HUS1: variants seen among roughly 807,000 people sequenced by gnomAD.
HUS1 encodes the protein checkpoint protein HUS1.
Under a neutral mutation model 32.6 loss-of-function variants are expected in HUS1, and 31 were observed. The observed-to-expected ratio is 0.95, with a 90% CI of 0.72 to 1.28. The LOEUF is 1.28. Ranked by LOEUF, HUS1 falls within the 50% of genes most tolerant of loss-of-function variation. HUS1 has a pLI of 0.00. For missense variants in HUS1, 340 were observed against 337.7 expected, an observed-to-expected ratio of 1.01 and a Z score of -0.05; for synonymous variants, 123 against 116.6, an observed-to-expected ratio of 1.06 and a Z score of -0.36.
chr7:47,963,451 A>G lies in HUS1; in HGVS notation c.*1905T>C, dbSNP rs1404230149. Reference sequence around the variant, plus strand: ...CTTTAACAGCAATTTCAGTTTTATAAAACTACTTTCAGATATTGTTTCATT... The same window carrying G: ...CTTTAACAGCAATTTCAGTTTTATAGAACTACTTTCAGATATTGTTTCATT... On this transcript the variant is annotated 3_prime_UTR_variant, in exon 8 of 8. Coordinates refer to ENST00000258774, the MANE Select transcript of HUS1 (RefSeq NM_004507.4). 6.6e-6 allele frequency: 1 copy of G among 152,340 alleles called. No individual in the cohort carries two copies. The highest frequency in any genetic ancestry group is 3.4e-3 in the Middle Eastern group (1 of 294). 9.4% of individuals were successfully genotyped at this position (152,340 alleles called of 1,614,324 possible). A position where few individuals can be genotyped will look rare whatever the true frequency, so the allele number is the denominator to read the frequency against.
chr7:47,968,556 T>C (rs1361530227), intron 6 of HUS1, among the ~76,000 whole-genome samples: 2 of 152,260 alleles, frequency 1.3e-5, no homozygotes, highest in Non-Finnish European at 2.9e-5. Flanking sequence ...GGCACACTTA[T>C]GTATCATAAA....
At chr7:47,970,434 T>C (rs1477222497) in intron 5 of HUS1, among the ~76,000 whole-genome samples, 6 of 149,754 alleles carry the variant, frequency 4.0e-5, no homozygotes, top group African/African-American at 1.5e-4. Flanking sequence ...CTAGAGCAAA[T>C]AGGCACCACA....
intron 7 of HUS1, among the ~76,000 whole-genome samples, chr7:47,967,186 A>G (rs1387815961): frequency 6.6e-6 from 1 of 152,186 alleles, no homozygotes. Context: ...CTGTGATTTC[A>G]GTAGTAAGGT....
intron 3 of HUS1, 50 bp downstream of exon 3, chr7:47,978,367 T>A: frequency 6.6e-7 from 1 of 1,518,720 alleles, no homozygotes; most frequent in Non-Finnish European, 9.1e-7. Flanking sequence ...CTATGTCTAT[T>A]CCTTCGAGGC....
intron 7 of HUS1, among the ~76,000 whole-genome samples, chr7:47,967,444 T>C (rs1262084216): frequency 1.3e-5 from 2 of 151,962 alleles, no homozygotes; most frequent in East Asian, 3.9e-4. Context: ...TCTGGCACTC[T>C]GAGCAGGTCA....
chr7:47,972,849 G>A (rs938485811), intron 5 of HUS1, among the ~76,000 whole-genome samples: 10 of 152,138 alleles, frequency 6.6e-5, no homozygotes, highest in Admixed American at 3.9e-4. Context: ...CTGCAGAGCC[G>A]TTTCTCAGAT....
chr7:47,974,345 A>C (rs1788654839), intron 5 of HUS1, among the ~76,000 whole-genome samples: 1 of 102,352 alleles, frequency 9.8e-6, no homozygotes, highest in Non-Finnish European at 1.9e-5. Context: ...TGTACACTGG[A>C]CAGCTCAGCT....
At chr7:47,974,114 A>C (rs1280269616) in intron 5 of HUS1, among the ~76,000 whole-genome samples, 1 of 152,232 alleles carries the variant, frequency 6.6e-6, no homozygotes. Context: ...CTAGAAAAAA[A>C]CAGTCAAATG....
chr7:47,976,235 C>T (rs1788701142), intron 4 of HUS1: 1 of 407,106 alleles, frequency 2.5e-6, no homozygotes, highest in Non-Finnish European at 4.9e-6. Context: ...TCTGTACTTT[C>T]TTCTTAAACA....
At position 47,965,230 on chromosome 7, in the gene HUS1, G is replaced by A; in HGVS notation, c.*126C>T. On this transcript the variant is annotated 3_prime_UTR_variant, in exon 8 of 8. Transcript: ENST00000258774. The stretch of plus-strand genomic sequence containing the variant: ...CAACTTTTAGTTAAAATGTTAGAGA[G>A]GGACAAATAAGTACAGTGTGTCGAT... 1.6e-6 allele frequency: 1 copy of A among 624,252 alleles called. No homozygotes were observed. Among genetic ancestry groups the A allele is most frequent in the South Asian group, 2.1e-5 (1 of 48,664 alleles). 38.7% of individuals were successfully genotyped at this position (624,252 alleles called of 1,614,324 possible).
chr7:47,965,433 C>G lies in HUS1; in HGVS notation c.766G>C (p.Val256Leu), dbSNP rs1196408323. 1 of 1,611,228 alleles carries G rather than the reference C, an allele frequency of 6.2e-7. No homozygotes were observed. The highest frequency in any genetic ancestry group is 8.5e-7 in the Non-Finnish European group (1 of 1,177,390). ...TCAAAATGCACCATCTTGTTATTCA[C>G]AATATCTGGGAAGAGAAAAGCCATG... The part of the protein sequence containing the change: ...VNPTKALCNI[V>L]NNKMVHFDLL... The change falls in exon 8 of 8, where the codon GTG becomes CTG. Residue 256 changes from valine (V) to leucine (L), a missense_variant. Transcript: ENST00000258774.
intron 4 of HUS1, among the ~76,000 whole-genome samples, 192 bp from the exon 5 acceptor site, chr7:47,975,879 G>C (rs1464769321): frequency 6.6e-6 from 1 of 152,152 alleles, no homozygotes; most frequent in Non-Finnish European, 1.5e-5. Flanking sequence ...ACTCAAGGAT[G>C]CTCAAGCAAA....
intron 1 of HUS1, 89 bp downstream of exon 1, chr7:47,979,378 TC>T: frequency 8.0e-7 from 1 of 1,256,124 alleles, no homozygotes; most frequent in Non-Finnish European, 1.0e-6. Context: ...CCGGCGCCCA[TC>T]CCCGTTCTGA....
rs1054656279 is a variant in HUS1, at chr7:47,965,213, A to G, written c.*143T>C. The G allele has an allele frequency of 1.4e-5, 8 of 563,768 alleles. No homozygotes were observed. In the African/African-American group the frequency reaches 1.5e-4, roughly 10 times the overall value. 34.9% of individuals were successfully genotyped at this position (563,768 alleles called of 1,614,324 possible). ...ACTGTGTGTTGTTGAATCAACTTTT[A>G]GTTAAAATGTTAGAGAGGGACAAAT... On this transcript the variant is annotated 3_prime_UTR_variant, in exon 8 of 8. Coordinates refer to ENST00000258774, the MANE Select transcript of HUS1 (RefSeq NM_004507.4).
intron 2 of HUS1, 32 bp from the exon 3 acceptor site, chr7:47,978,625 G>C (rs1280361987): frequency 2.5e-6 from 4 of 1,612,910 alleles, no homozygotes; most frequent in South Asian, 2.2e-5. Context: ...ATGAGGGAGG[G>C]TATATGTGAT....
chr7:47,978,357 CTA>C, intron 3 of HUS1, 58 bp downstream of exon 3: 1 of 1,430,022 alleles, frequency 7.0e-7, no homozygotes, highest in Non-Finnish European at 9.7e-7. Flanking sequence ...GCTAGGCTAA[CTA>C]TGTCTATTCC....
intron 7 of HUS1, among the ~76,000 whole-genome samples, chr7:47,966,468 C>A (rs563885677): frequency 6.6e-6 from 1 of 152,276 alleles, no homozygotes; most frequent in East Asian, 1.9e-4. Flanking sequence ...AGAAAGTCCC[C>A]AAAATACCAA....
rs528436783 is a variant in HUS1 at position 47,967,849 on chromosome 7, C to G, written c.717G>C (p.Gln239His). ...GATTTACTTGTTGTCCAGCAAGAAACTGTAGGAGCTTCCTAATATCTATGT... is the reference window on the plus strand; with the variant it reads ...GATTTACTTGTTGTCCAGCAAGAAAGTGTAGGAGCTTCCTAATATCTATGT... ...EVHIDIRKLLQFLAGQQVNPT... is the reference protein window; with the variant it reads ...EVHIDIRKLLHFLAGQQVNPT... The change falls in exon 7 of 8, where the codon CAG becomes CAC. Residue 239 changes from glutamine to histidine, a missense_variant. Physicochemically the swap from Gln to His is conservative, Grantham distance 24 (BLOSUM62 0). Transcript: ENST00000258774. 1 of 1,614,036 alleles carries G rather than the reference C, an allele frequency of 6.2e-7. No homozygotes were observed. Among genetic ancestry groups the G allele is most frequent in the African/African-American group, 1.3e-5 (1 of 75,050 alleles).
chr7:47,976,756 G>C lies in HUS1; in HGVS notation c.439C>G (p.Gln147Glu), dbSNP rs2307254. The change falls in exon 4 of 8, where the codon CAA becomes GAA. Residue 147 changes from glutamine to glutamate, a missense_variant. Gln to Glu is a conservative substitution (Grantham distance 29). Transcript: ENST00000258774. ...VIPRKLWKDL[Q>E]EPVVPDPDVS... ...TCAGGATCTGGGACCACCGGTTCTTGTAAGTCCTTCCACAATTTCCTAGGA... is the reference window on the plus strand; with the variant it reads ...TCAGGATCTGGGACCACCGGTTCTTCTAAGTCCTTCCACAATTTCCTAGGA... The C allele has an allele frequency of 8.7e-6, 14 of 1,612,382 alleles. No homozygotes were observed. Among genetic ancestry groups the C allele is most frequent in the Non-Finnish European group, 1.1e-5 (13 of 1,178,630 alleles).
Sources: gnomAD v4.1 joint callset for allele counts (sites outside exome capture counted in the v4.1 genomes callset) on GRCh38, gnomAD v4.1.1 for gene constraint, MANE v1.5 for transcripts, NCBI Gene and HGNC (gene_info 2026-07-23, HGNC 2026-07-21) for gene names.